Variants in RALGAPA1 observed in about 807,000 individuals in gnomAD.
RALGAPA1 encodes ral GTPase-activating protein subunit alpha-1.
Under a neutral mutation model 269.6 loss-of-function variants are expected in RALGAPA1, and 52 were observed. That is an observed-to-expected ratio of 0.19 (90% CI 0.15 to 0.24). RALGAPA1 has a LOEUF of 0.24. RALGAPA1 is among the 10% of genes least tolerant of loss of function. RALGAPA1 has a pLI of 1.00. For missense variants in RALGAPA1, 1,917 were observed against 3,013.9 expected (o/e 0.64, Z 8.52); for synonymous variants, 817 against 1,008.3 (o/e 0.81, Z 3.60).
At chr14:35,736,794 G>A (rs927331821) in intron 12 of RALGAPA1, among the ~76,000 whole-genome samples, 54 of 152,292 alleles carry the variant, frequency 3.5e-4, no homozygotes, top group African/African-American at 1.3e-3. Context: ...CCAACACTTT[G>A]GGAGGCTGAG....
rs751440193 is a variant in RALGAPA1 at position 35,683,865 on chromosome 14, G to A, written c.4415C>T (p.Ser1472Phe). Residue 1472 changes from serine (S) to phenylalanine (F), a missense_variant, in exon 21 of 42, where the codon TCT becomes TTT. Physicochemically the swap from Ser to Phe is radical, Grantham distance 155. This residue lies in a region of RALGAPA1 where 615 missense variants were observed against 790.0 expected (regional missense o/e 0.78). Coordinates refer to ENST00000680220, the MANE Select transcript of RALGAPA1 (RefSeq NM_001346249.2). ...TTGCTGATTAAGACTGCTTGTTTCAGAATCTATATGAAGAGTAGTTAGACT... is the reference window on the plus strand; with the variant it reads ...TTGCTGATTAAGACTGCTTGTTTCAAAATCTATATGAAGAGTAGTTAGACT... ...VASLTTLHIDSETSSLNQQAF... is the reference protein window; with the variant it reads ...VASLTTLHIDFETSSLNQQAF... The A allele has an allele frequency of 1.2e-5, 19 of 1,611,230 alleles. No individual in the cohort carries two copies. The highest frequency in any genetic ancestry group is 1.7e-5 in the Admixed American group (1 of 59,862).
At chr14:35,651,027 C>A (rs2062798518) in intron 31 of RALGAPA1, among the ~76,000 whole-genome samples, 1 of 152,074 alleles carries the variant, frequency 6.6e-6, no homozygotes, top group Admixed American at 6.5e-5. Context: ...TAGTGAGCAG[C>A]ACCGACCTAG....
At chr14:35,758,628 C>T (rs889173507) in intron 6 of RALGAPA1, among the ~76,000 whole-genome samples, 2 of 152,142 alleles carry the variant, frequency 1.3e-5, no homozygotes, top group Non-Finnish European at 2.9e-5. Context: ...GTCCCAGCTA[C>T]TTGGGAAGGC....
chr14:35,761,461 T>C (rs1316942039), intron 5 of RALGAPA1, among the ~76,000 whole-genome samples: 1 of 152,118 alleles, frequency 6.6e-6, no homozygotes, highest in East Asian at 1.9e-4. Flanking sequence ...TGAAAAGTTC[T>C]GAAATTATTA....
intron 39 of RALGAPA1, among the ~76,000 whole-genome samples, chr14:35,559,449 A>G (rs1465363015): frequency 2.0e-5 from 3 of 152,178 alleles, no homozygotes; most frequent in Non-Finnish European, 2.9e-5. Flanking sequence ...ATGTGAGTGG[A>G]GCAGTGCACA....
At chr14:35,718,989 G>A (rs919013321) in intron 16 of RALGAPA1, among the ~76,000 whole-genome samples, 9 of 151,838 alleles carry the variant, frequency 5.9e-5, no homozygotes, top group Admixed American at 2.0e-4. Flanking sequence ...ACGGGCATGC[G>A]CCACCACACC....
Position 35,680,580 on chromosome 14 carries a change from TTTTATTTATTTA to T in RALGAPA1, c.4472-2490_4472-2479del, listed in dbSNP as rs145483057. The stretch of plus-strand genomic sequence containing the variant: ...ACCAGAGAATCACTACTGCCTTTAA[TTTTATTTATTTA>T]TTTATTTATTTATTTATTTTTTGCT... On this transcript the variant is annotated intron_variant, in intron 21 of 41. Coordinates refer to ENST00000680220, the MANE Select transcript of RALGAPA1 (RefSeq NM_001346249.2). 8.0e-5 allele frequency among the ~76,000 whole-genome samples: 12 copies of T among 150,606 alleles called. No individual in the cohort carries two copies. The South Asian group carries it at 8.4e-4, about 11-fold the overall frequency.
chr14:35,541,399 T>C (rs573916018), intron 41 of RALGAPA1, among the ~76,000 whole-genome samples: 1 of 152,112 alleles, frequency 6.6e-6, no homozygotes, highest in Non-Finnish European at 1.5e-5. Flanking sequence ...AAAATATATG[T>C]TTCCAAGGAA....
At chr14:35,639,010 T>A (rs2061838492) in intron 31 of RALGAPA1, among the ~76,000 whole-genome samples, 1 of 151,966 alleles carries the variant, frequency 6.6e-6, no homozygotes, top group Non-Finnish European at 1.5e-5. Context: ...AGAGAGTGGC[T>A]GAACAGATTA....
rs2066199032 is a variant in RALGAPA1, at chr14:35,688,734, T to C, written c.3677A>G (p.Lys1226Arg). 2.0e-6 allele frequency: 3 copies of C among 1,467,042 alleles called. No homozygotes were observed. The highest frequency in any genetic ancestry group is 2.7e-6 in the Non-Finnish European group (3 of 1,115,930). The allele number at this position is 1,467,042 out of a possible 1,614,324, so 90.9% of individuals were successfully genotyped here. ...AATCTCTGTGGATTCCTTCACTGTT[T>C]TGCTGCTTACTGATGCAGTACCAAG... ...DTLGTASVSS[K>R]TVKESTEIPT... is the part of the protein sequence containing the mutation. Residue 1226 changes from lysine (K) to arginine (R), a missense_variant, in exon 18 of 42, where the codon AAA becomes AGA. Coordinates refer to ENST00000680220, the MANE Select transcript of RALGAPA1 (RefSeq NM_001346249.2).
At chr14:35,735,086 T>A (rs2070857851) in intron 12 of RALGAPA1, among the ~76,000 whole-genome samples, 1 of 151,400 alleles carries the variant, frequency 6.6e-6, no homozygotes, top group Admixed American at 6.6e-5. Flanking sequence ...GATGTGGTCA[T>A]CAGGGAACAC....
At chr14:35,589,886 G>T (rs1354678230) in intron 37 of RALGAPA1, among the ~76,000 whole-genome samples, 5 of 151,956 alleles carry the variant, frequency 3.3e-5, no homozygotes, top group Non-Finnish European at 5.9e-5. Flanking sequence ...TAAGGACAGG[G>T]TGTCACTATG....
rs566079460 is a variant in RALGAPA1 at position 35,549,110 on chromosome 14, C to G, written c.7621G>C (p.Asp2541His). Residue 2541 changes from aspartate to histidine, a missense_variant and splice_region_variant, in exon 40 of 42, where the codon GAT (aspartate) becomes CAT (histidine). Coordinates refer to ENST00000680220, the MANE Select transcript of RALGAPA1 (RefSeq NM_001346249.2). The stretch of plus-strand genomic sequence containing the variant: ...AACTAATACTCGCTTTTAATCTTAC[C>G]GGCATCAGATGGTAAATGGTGGTAG... Reference protein sequence around the residue: ...APYHHLPSDADH With the variant: ...APYHHLPSDAHH 1.9e-6 allele frequency: 3 copies of G among 1,608,730 alleles called. No homozygotes were observed. In the Admixed American group the frequency reaches 5.0e-5, roughly 27 times the overall value.
chr14:35,736,440 T>C lies in RALGAPA1; in HGVS notation c.1587+2073A>G, dbSNP rs538492201. ...CAGATGATATTTAAAGCCATCTATA[T>C]GTATGAGACAAGAGAATAAGAGATT... On this transcript the variant is annotated intron_variant, in intron 12 of 41. Transcript: ENST00000680220. 2.2e-4 allele frequency among the ~76,000 whole-genome samples: 34 copies of C among 152,334 alleles called. No individual in the cohort carries two copies. In the East Asian group the frequency reaches 4.2e-3, roughly 19 times the overall value.
chr14:35,766,784 A>G, intron 4 of RALGAPA1: 1 of 510,686 alleles, frequency 2.0e-6, no homozygotes, highest in South Asian at 1.5e-5. Context: ...GAGTATGCTA[A>G]CTCCCACCAC....
chr14:35,707,094 T>C (rs184776560), intron 16 of RALGAPA1: 1 of 152,332 alleles, frequency 6.6e-6, no homozygotes, highest in Admixed American at 6.5e-5. Context: ...GTTTTGGAGA[T>C]TTTTGATGCT....
At chr14:35,781,950 T>C (rs1056286715) in intron 1 of RALGAPA1, among the ~76,000 whole-genome samples, 1 of 152,190 alleles carries the variant, frequency 6.6e-6, no homozygotes, top group Non-Finnish European at 1.5e-5. Context: ...TACTTTTATT[T>C]AATATTATAC....
rs2073435501 is a variant in RALGAPA1 at position 35,758,887 on chromosome 14, G to A, written c.547+1942C>T. On this transcript the variant is annotated intron_variant, in intron 6 of 41. Coordinates refer to ENST00000680220, the MANE Select transcript of RALGAPA1 (RefSeq NM_001346249.2). ...CCAACATTTTGGGAGGTTAAGGTGG[G>A]AGGACTGCTTGACTTTAGGAGTTTA... is the stretch of plus-strand genomic sequence containing the variant. Among the ~76,000 whole-genome samples, 3 of 152,184 alleles carry A rather than the reference G, an allele frequency of 2.0e-5. No homozygotes were observed. The South Asian group carries it at 6.2e-4, about 32-fold the overall frequency.
chr14:35,624,208 TAA>T (rs780017500), intron 35 of RALGAPA1, among the ~76,000 whole-genome samples: 12 of 87,086 alleles, frequency 1.4e-4, no homozygotes, highest in Non-Finnish European at 1.6e-4. Flanking sequence ...TCCAGTTCCG[TAA>T]AAAAAAAAAA....
Sources: gnomAD v4.1 joint callset for allele counts (sites outside exome capture counted in the v4.1 genomes callset) on GRCh38, gnomAD v4.1.1 for gene constraint, gnomAD v4.1.1 regional missense constraint, MANE v1.5 for transcripts, NCBI Gene and HGNC (gene_info 2026-07-23, HGNC 2026-07-21) for gene names.